The following MEGF6 variants were observed in gnomAD, a reference collection of about 807,000 sequenced individuals.
The protein encoded by MEGF6 is multiple EGF like domains 6, also known as multiple epidermal growth factor-like domains protein 6.
Under a neutral mutation model 207.1 loss-of-function variants are expected in MEGF6, and 184 were observed. That is an observed-to-expected ratio of 0.89 (90% CI 0.79 to 1.00). MEGF6 has a LOEUF of 1.00. Among genes scored for constraint, MEGF6 ranks in the 50% least tolerant of loss-of-function variants. The pLI is 0.00. For synonymous variants in MEGF6, 1,038 were observed against 910.0 expected, an observed-to-expected ratio of 1.14 and a Z score of -2.53; for missense variants, 2,282 against 2,202.9, an observed-to-expected ratio of 1.04 and a Z score of -0.72.
chr1:3,596,322 C>T (rs1644064749), intron 2 of MEGF6, among the ~76,000 whole-genome samples: 1 of 151,998 alleles, frequency 6.6e-6, no homozygotes, highest in African/African-American at 2.4e-5. Context: ...AGAAGGTGCC[C>T]ACAGCCAGAG....
intron 29 of MEGF6, 49 bp from the exon 30 acceptor site, chr1:3,496,067 C>A (rs751283568): frequency 4.9e-5 from 72 of 1,465,436 alleles, no homozygotes; most frequent in Non-Finnish European, 6.2e-5. Context: ...TCTCTCCCTG[C>A]CCGGTCAACC....
Position 3,495,985 on chromosome 1 carries a change from G to C in MEGF6, c.3776C>G (p.Thr1259Ser), listed in dbSNP as rs757137563. The change falls in exon 30 of 37, where the codon ACC becomes AGC. Residue 1259 changes from threonine to serine, a missense_variant. By Grantham distance (58) the Thr-to-Ser change is moderately conservative (BLOSUM62 1). Coordinates refer to ENST00000356575, the MANE Select transcript of MEGF6 (RefSeq NM_001409.4). ...CPQGRFGPNC[T>S]HVCGCGQGAA... ...CCCCTGCCCACACCCACACACGTGG[G>C]TGCAGTTGGGGCCGAAGCGGCCCTG... 6.4e-7 allele frequency: 1 copy of C among 1,560,886 alleles called. No individual in the cohort carries two copies. Among genetic ancestry groups the C allele is most frequent in the Non-Finnish European group, 8.6e-7 (1 of 1,161,024 alleles).
intron 4 of MEGF6, among the ~76,000 whole-genome samples, chr1:3,543,405 G>A (rs1019513686): frequency 2.6e-5 from 4 of 152,350 alleles, no homozygotes; most frequent in East Asian, 1.9e-4. Flanking sequence ...TGAGCCATGC[G>A]CTCACTCACT....
intron 4 of MEGF6, among the ~76,000 whole-genome samples, chr1:3,540,655 T>G (rs1642486779): frequency 6.6e-6 from 1 of 152,198 alleles, no homozygotes; most frequent in South Asian, 2.1e-4. Flanking sequence ...GGCTGGGAAG[T>G]CCAAGATCCA....
At chr1:3,534,306 A>G (rs1570079403) in intron 4 of MEGF6, among the ~76,000 whole-genome samples, 1 of 152,236 alleles carries the variant, frequency 6.6e-6, no homozygotes, top group African/African-American at 2.4e-5. Context: ...ATTTGCACCT[A>G]TTATGTTAAA....
At chr1:3,601,545 C>T (rs577210900) in intron 2 of MEGF6, among the ~76,000 whole-genome samples, 15 of 152,288 alleles carry the variant, frequency 9.8e-5, no homozygotes, top group Admixed American at 2.6e-4. Context: ...GTCGTCTGTT[C>T]GGGGGGTCGT....
intron 4 of MEGF6, among the ~76,000 whole-genome samples, chr1:3,532,134 G>A (rs1483521463): frequency 1.3e-5 from 2 of 152,236 alleles, no homozygotes; most frequent in Non-Finnish European, 2.9e-5. Flanking sequence ...CAAAGGCCAC[G>A]GAGGTGCTTC....
intron 12 of MEGF6, 99 bp from the exon 13 acceptor site, chr1:3,508,788 G>C: frequency 6.8e-7 from 1 of 1,469,720 alleles, no homozygotes; most frequent in East Asian, 2.3e-5. Flanking sequence ...AGGGGCATAA[G>C]GGGCATCCTC....
chr1:3,546,579 CTGAGGCGGGGTGG>C (rs1557766835), intron 4 of MEGF6, among the ~76,000 whole-genome samples: 31 of 134,876 alleles, frequency 2.3e-4, no homozygotes, highest in Middle Eastern at 4.8e-3. Context: ...AGGGAGGCCG[CTGAGGCGGGGTGG>C]CAGTGGGCTG....
chr1:3,609,097 T>C (rs1020275602), intron 1 of MEGF6, among the ~76,000 whole-genome samples: 6 of 152,120 alleles, frequency 3.9e-5, no homozygotes, highest in African/African-American at 1.4e-4. Flanking sequence ...TGCCTGCTCA[T>C]CAGATTCCCA....
chr1:3,595,529 ACT>A lies in MEGF6; in HGVS notation c.267-84_267-83del, dbSNP rs1342379404. On this transcript the variant is annotated intron_variant, in intron 2 of 36. Coordinates refer to ENST00000356575, the MANE Select transcript of MEGF6 (RefSeq NM_001409.4). ...TCTCACTGCACCCCTGGGGAGACTG[ACT>A]CTGCGTCAGCCGGGTTCCCGGCGGC... is the stretch of plus-strand genomic sequence containing the variant. The A allele has an allele frequency of 8.2e-6, 10 of 1,223,594 alleles. No individual in the cohort carries two copies. The South Asian group carries it at 8.8e-5, about 11-fold the overall frequency. The allele number at this position is 1,223,594 out of a possible 1,614,324, so 75.8% of individuals were successfully genotyped here. A position where few individuals can be genotyped will look rare whatever the true frequency, so the allele number is the denominator to read the frequency against.
chr1:3,567,789 C>T (rs78283552), intron 4 of MEGF6, among the ~76,000 whole-genome samples: 12,455 of 152,250 alleles, frequency 0.082, 543 homozygotes, highest in East Asian at 0.1. Flanking sequence ...ACCTGTCCTC[C>T]GGGACCTGGT....
At chr1:3,564,182 C>CA in intron 4 of MEGF6, among the ~76,000 whole-genome samples, 1 of 5,448 alleles carries the variant, frequency 1.8e-4, no homozygotes, top group Non-Finnish European at 3.3e-4. Context: ...GGAGCTGAGT[C>CA]GGGGTGGGGG....
chr1:3,616,064 T>C (rs12405423), upstream of MEGF6, among the ~76,000 whole-genome samples: 32,356 of 152,132 alleles, frequency 0.21, 4,033 homozygotes, highest in East Asian at 0.39. Flanking sequence ...AGAAATAACG[T>C]AGGGAGAAAG....
At chr1:3,506,987 G>A (rs935205399) in intron 14 of MEGF6, among the ~76,000 whole-genome samples, 1 of 152,256 alleles carries the variant, frequency 6.6e-6, no homozygotes, top group Non-Finnish European at 1.5e-5. Flanking sequence ...GATCCCAGGG[G>A]TGCAGCACCC....
intron 3 of MEGF6, 92 bp from the exon 4 acceptor site, chr1:3,580,021 C>T: frequency 9.1e-6 from 8 of 877,570 alleles, no homozygotes; most frequent in Non-Finnish European, 1.4e-5. Context: ...AGGCAGCCCA[C>T]CCAGCCTGCC....
intron 17 of MEGF6, among the ~76,000 whole-genome samples, chr1:3,502,815 G>A (rs1640958148): frequency 6.6e-6 from 1 of 152,186 alleles, no homozygotes; most frequent in Admixed American, 6.5e-5. Context: ...GACCTTAAGG[G>A]CCCGGCCTTG....
At chr1:3,612,712 C>T (rs764800030), upstream of MEGF6, among the ~76,000 whole-genome samples, 19 of 150,708 alleles carry the variant, frequency 1.3e-4, no homozygotes, top group Non-Finnish European at 7.4e-5. Flanking sequence ...GGAGGAACTT[C>T]GCTAATAGGG....
upstream of MEGF6, among the ~76,000 whole-genome samples, chr1:3,612,084 G>T (rs1644336467): frequency 6.6e-6 from 1 of 152,224 alleles, no homozygotes; most frequent in Non-Finnish European, 1.5e-5. Context: ...TCGGGGAAGG[G>T]CTTGAGGAGG....
Sources: allele counts gnomAD v4.1 joint callset (sites outside exome capture counted in the v4.1 genomes callset), GRCh38; gene constraint gnomAD v4.1.1; transcripts MANE v1.5; gene names NCBI Gene and HGNC (gene_info 2026-07-23, HGNC 2026-07-21).